Variants in PRKCE observed in about 807,000 individuals in gnomAD.
PRKCE encodes protein kinase C epsilon type.
PRKCE carries 16 observed loss-of-function variants against 85.4 expected under a neutral mutation model. The ratio of observed to expected loss-of-function variants is 0.19; its 90% confidence interval spans 0.13 to 0.28. The LOEUF is 0.28. Ranked by LOEUF, PRKCE falls within the 10% of genes least tolerant of loss-of-function variation. PRKCE has a pLI of 1.00. For missense variants in PRKCE, 573 were observed against 975.2 expected (o/e 0.59, Z 5.49); for synonymous variants, 388 against 371.5 (o/e 1.04, Z -0.51).
chr2:46,159,836 G>A lies in PRKCE; in HGVS notation c.2067+84G>A, dbSNP rs371488495. On this transcript the variant is annotated intron_variant, in intron 14 of 14. Coordinates refer to ENST00000306156, the MANE Select transcript of PRKCE (RefSeq NM_005400.3). The surrounding 1 kb of genome is among the most constrained non-coding windows in gnomAD (Gnocchi z 4.1). ...AGGCTGCGTGCACCCAGGAAGAGTT[G>A]GTCAGGGGATGCGTATTACAGTAAA... 1 of 1,536,760 alleles carries A rather than the reference G, an allele frequency of 6.5e-7. No homozygotes were observed. Among genetic ancestry groups the A allele is most frequent in the South Asian group, 1.2e-5 (1 of 85,280 alleles).
At chr2:45,818,595 G>GT (rs1015097504) in intron 1 of PRKCE, among the ~76,000 whole-genome samples, 6 of 152,170 alleles carry the variant, frequency 3.9e-5, no homozygotes, top group African/African-American at 1.4e-4. Flanking sequence ...TTCATCCTCA[G>GT]TTTTTCCCAT....
At chr2:45,715,274 A>G (rs975634283) in intron 1 of PRKCE, among the ~76,000 whole-genome samples, 3 of 152,098 alleles carry the variant, frequency 2.0e-5, no homozygotes, top group African/African-American at 4.8e-5. Flanking sequence ...AACTCTCCCT[A>G]TGTATATTGA....
chr2:45,961,770 A>G (rs149096148), intron 2 of PRKCE, among the ~76,000 whole-genome samples: 2,117 of 151,754 alleles, frequency 0.014, 42 homozygotes, highest in African/African-American at 0.048. Flanking sequence ...ATCTTGGCTC[A>G]CTGCAACCTC....
intron 1 of PRKCE, among the ~76,000 whole-genome samples, chr2:45,721,878 T>TA (rs747265509): frequency 1.7e-3 from 234 of 136,230 alleles, no homozygotes; most frequent in East Asian, 2.1e-3. Flanking sequence ...CCCTGACTCT[T>TA]AAAAAAAAAA....
At position 46,021,620 on chromosome 2, in the gene PRKCE, G is replaced by T. The variant is rs561741727; in HGVS notation, c.1437+11103G>T. Among the ~76,000 whole-genome samples the T allele has an allele frequency of 2.2e-5, 3 of 136,898 alleles. No individual in the cohort carries two copies. The South Asian group carries it at 7.1e-4, about 33-fold the overall frequency. The allele number at this position is 136,898 out of a possible 152,430, so 89.8% of individuals were successfully genotyped here. On this transcript the variant is annotated intron_variant, in intron 10 of 14. Coordinates refer to ENST00000306156, the MANE Select transcript of PRKCE (RefSeq NM_005400.3). ...ACTTAAGTTGCTGCTAGTTGCAGCA[G>T]GTGATCTACACATTTCTAAGGTGTC...
At chr2:45,980,843 A>C (rs1458151579) in intron 5 of PRKCE, among the ~76,000 whole-genome samples, 2 of 152,246 alleles carry the variant, frequency 1.3e-5, no homozygotes, top group African/African-American at 4.8e-5. Flanking sequence ...AAAAAGAGTC[A>C]ACATTCACTG....
At chr2:45,863,635 T>C (rs963884423) in intron 2 of PRKCE, among the ~76,000 whole-genome samples, 4 of 152,124 alleles carry the variant, frequency 2.6e-5, no homozygotes, top group Admixed American at 6.5e-5. Context: ...GCAGAGTAAG[T>C]GCAATCCAGT....
At chr2:45,997,309 C>A (rs938219429) in intron 6 of PRKCE, among the ~76,000 whole-genome samples, 4 of 152,036 alleles carry the variant, frequency 2.6e-5, no homozygotes, top group African/African-American at 9.6e-5. Flanking sequence ...GTTTTTAATT[C>A]AAATGATTTT....
chr2:45,911,699 G>C (rs532625095), intron 2 of PRKCE, among the ~76,000 whole-genome samples: 20 of 152,208 alleles, frequency 1.3e-4, no homozygotes, highest in Non-Finnish European at 2.4e-4. Context: ...CAAGGAAGCT[G>C]GAGGGATTGC....
chr2:45,885,001 A>ATTT (rs55883420), intron 2 of PRKCE, among the ~76,000 whole-genome samples: 2 of 71,544 alleles, frequency 2.8e-5, no homozygotes, highest in Non-Finnish European at 5.4e-5. Flanking sequence ...ATATATATAT[A>ATTT]TTTGTTGTTG....
chr2:45,880,412 C>T (rs556844284), intron 2 of PRKCE, among the ~76,000 whole-genome samples: 30 of 152,112 alleles, frequency 2.0e-4, no homozygotes, highest in Admixed American at 6.5e-4. Flanking sequence ...CTGGATTATA[C>T]GGTAGCTCTA....
At chr2:45,839,126 A>T (rs78058431) in intron 1 of PRKCE, among the ~76,000 whole-genome samples, 152 of 44,852 alleles carry the variant, frequency 3.4e-3, no homozygotes, top group African/African-American at 0.016. Flanking sequence ...GTGCTTAGTT[A>T]AAAAAAAAAT....
chr2:46,123,566 G>A (rs1036991286), intron 11 of PRKCE, among the ~76,000 whole-genome samples: 3 of 152,128 alleles, frequency 2.0e-5, no homozygotes, highest in African/African-American at 7.2e-5. Context: ...TGAGCTCACT[G>A]CAATCTCCGC....
At chr2:46,040,222 A>G (rs1433047295) in intron 10 of PRKCE, among the ~76,000 whole-genome samples, 2 of 152,218 alleles carry the variant, frequency 1.3e-5, no homozygotes, top group African/African-American at 2.4e-5. Flanking sequence ...CTAGGCCTCA[A>G]AGGATGAGTA....
At chr2:46,015,708 A>C (rs1176123719) in intron 10 of PRKCE, among the ~76,000 whole-genome samples, 1 of 152,024 alleles carries the variant, frequency 6.6e-6, no homozygotes, top group East Asian at 1.9e-4. Context: ...AAAAAAAAAA[A>C]AAAAACGAAG....
At chr2:46,143,534 G>A (rs766505534) in intron 11 of PRKCE, among the ~76,000 whole-genome samples, 2 of 152,084 alleles carry the variant, frequency 1.3e-5, no homozygotes, top group African/African-American at 2.4e-5. Context: ...AAGCAGGAGC[G>A]TGTCATTCTG....
intron 1 of PRKCE, among the ~76,000 whole-genome samples, chr2:45,662,012 G>C (rs1306282509): frequency 6.6e-6 from 1 of 152,172 alleles, no homozygotes; most frequent in Non-Finnish European, 1.5e-5. Context: ...TGAACAGGAA[G>C]TGTCCCCCTC....
At chr2:46,058,877 T>C (rs1181593957) in intron 10 of PRKCE, among the ~76,000 whole-genome samples, 4 of 152,198 alleles carry the variant, frequency 2.6e-5, no homozygotes, top group Admixed American at 2.6e-4. Flanking sequence ...TTTAAAATTT[T>C]TGTTGCTATG....
intron 8 of PRKCE, among the ~76,000 whole-genome samples, chr2:46,006,072 G>A (rs1305842093): frequency 6.6e-6 from 1 of 152,208 alleles, no homozygotes; most frequent in African/African-American, 2.4e-5. Context: ...GCAGGATACA[G>A]CGGCCCCAGG....
Sources: gnomAD v4.1 joint callset for allele counts (sites outside exome capture counted in the v4.1 genomes callset) on GRCh38, gnomAD v4.1.1 for gene constraint, Gnocchi (gnomAD v3.1) non-coding constraint, MANE v1.5 for transcripts, NCBI Gene and HGNC (gene_info 2026-07-23, HGNC 2026-07-21) for gene names.